Variants in SMIM45 observed in about 807,000 individuals in gnomAD.
SMIM45 encodes small integral membrane protein 45.
chr22:41,954,111 C>T, the SMIM45 span, among the ~76,000 whole-genome samples: 1 of 151,550 alleles, frequency 6.6e-6, no homozygotes, highest in Non-Finnish European at 1.5e-5. Flanking sequence ...ACAAGTGCTA[C>T]ATAGTAAGTT....
At chr22:41,957,841 C>T in the SMIM45 span, 2 of 155,760 alleles carry the variant, frequency 1.3e-5, no homozygotes, top group Non-Finnish European at 2.9e-5. Flanking sequence ...GCGACCTCCG[C>T]AAGACGCTAA....
chr22:41,947,559 G>A, the SMIM45 span, among the ~76,000 whole-genome samples: 1 of 151,768 alleles, frequency 6.6e-6, no homozygotes, highest in Non-Finnish European at 1.5e-5. Flanking sequence ...GTAGAGACGG[G>A]GTTTCTCCAA....
At chr22:41,958,928 A>C in the SMIM45 span, 1 of 158,030 alleles carries the variant, frequency 6.3e-6, no homozygotes, top group East Asian at 1.8e-4. Context: ...AGACTTCATG[A>C]TGATCTCTGC....
chr22:41,947,983 TG>T, the SMIM45 span, among the ~76,000 whole-genome samples: 3 of 152,168 alleles, frequency 2.0e-5, no homozygotes, highest in East Asian at 5.8e-4. Flanking sequence ...CTTTGTCCAA[TG>T]GGAGACTTTA....
chr22:41,956,792 CTG>C, the SMIM45 span, among the ~76,000 whole-genome samples: 1 of 152,238 alleles, frequency 6.6e-6, no homozygotes, highest in African/African-American at 2.4e-5. Context: ...TGGCAAGAGA[CTG>C]AACCAGAACT....
At chr22:41,949,137 C>T in the SMIM45 span, among the ~76,000 whole-genome samples, 17 of 151,086 alleles carry the variant, frequency 1.1e-4, no homozygotes, top group Non-Finnish European at 2.4e-4. Context: ...ACCACCTACT[C>T]GGGAGGCTGA....
At chr22:41,950,610 A>G in the SMIM45 span, among the ~76,000 whole-genome samples, 1 of 152,268 alleles carries the variant, frequency 6.6e-6, no homozygotes, top group African/African-American at 2.4e-5. Context: ...AGGTGGGAGG[A>G]TCACCTGAGC....
the SMIM45 span, among the ~76,000 whole-genome samples, chr22:41,953,795 G>A: frequency 7.4e-6 from 1 of 134,740 alleles, no homozygotes; most frequent in Admixed American, 8.6e-5. Context: ...CTGTTGCCCA[G>A]GCTGGAGTGC....
the SMIM45 span, among the ~76,000 whole-genome samples, chr22:41,947,367 CTTTT>C: frequency 2.3e-5 from 3 of 132,982 alleles, no homozygotes; most frequent in Admixed American, 7.4e-5. Flanking sequence ...ATACACAGTA[CTTTT>C]TTTTTTTTTT....
the SMIM45 span, chr22:41,958,355 C>A: frequency 4.4e-6 from 2 of 456,644 alleles, no homozygotes; most frequent in Admixed American, 4.7e-5. Context: ...ACCTAAGAAC[C>A]TCGTTTGGAG....
At chr22:41,957,282 T>G in the SMIM45 span, among the ~76,000 whole-genome samples, 3 of 147,768 alleles carry the variant, frequency 2.0e-5, no homozygotes, top group Admixed American at 6.9e-5. Context: ...CAAGCTCTGC[T>G]TCCCAGGTTC....
At chr22:41,946,988 C>A in the SMIM45 span, 2 of 1,610,418 alleles carry the variant, frequency 1.2e-6, no homozygotes, top group African/African-American at 2.7e-5. Context: ...GGAGGAAAAA[C>A]CGGCGGGGGA....
chr22:41,946,984 A>C, the SMIM45 span: 1 of 1,609,986 alleles, frequency 6.2e-7, no homozygotes, highest in South Asian at 1.1e-5. Flanking sequence ...CCCAGGAGGA[A>C]AAACCGGCGG....
chr22:41,947,390 A>G, the SMIM45 span, among the ~76,000 whole-genome samples: 62 of 147,324 alleles, frequency 4.2e-4, 2 homozygotes, highest in East Asian at 0.011. Flanking sequence ...TTTTTGAGAC[A>G]GAGTCTCGCT....
the SMIM45 span, among the ~76,000 whole-genome samples, chr22:41,947,471 G>A: frequency 6.6e-6 from 1 of 150,932 alleles, no homozygotes; most frequent in Non-Finnish European, 1.5e-5. Flanking sequence ...GAGTTTAAGC[G>A]ATTCTCCTGC....
chr22:41,955,581 C>CAGT, the SMIM45 span, among the ~76,000 whole-genome samples: 2 of 151,924 alleles, frequency 1.3e-5, no homozygotes, highest in African/African-American at 4.8e-5. Flanking sequence ...CCGAGGTGGG[C>CAGT]GGATCACGAG....
At chr22:41,950,180 C>T in the SMIM45 span, among the ~76,000 whole-genome samples, 4 of 151,968 alleles carry the variant, frequency 2.6e-5, no homozygotes, top group Non-Finnish European at 5.9e-5. Context: ...AAAACAATGC[C>T]GACAGGCCAT....
the SMIM45 span, among the ~76,000 whole-genome samples, chr22:41,950,734 G>A: frequency 2.0e-5 from 3 of 152,090 alleles, no homozygotes; most frequent in South Asian, 2.1e-4. Context: ...AGTGGCTCAC[G>A]CCTGTAATCC....
the SMIM45 span, among the ~76,000 whole-genome samples, chr22:41,955,425 C>A: frequency 2.2e-4 from 33 of 152,162 alleles, no homozygotes; most frequent in Non-Finnish European, 4.3e-4. Context: ...GTGACCCATC[C>A]TCCTTGGCCT....
Sources: gnomAD v4.1 joint callset for allele counts (sites outside exome capture counted in the v4.1 genomes callset) on GRCh38, gnomAD v4.1.1 for gene constraint, MANE v1.5 for transcripts, NCBI Gene and HGNC (gene_info 2026-07-23, HGNC 2026-07-21) for gene names.